Variants in ATG16L2 observed in about 807,000 individuals in gnomAD.
ATG16L2 encodes the protein autophagy related 16 like 2, also known as protein Atg16l2.
In ATG16L2, 77 loss-of-function variants were observed where a neutral mutation model predicts 84.7. That is an observed-to-expected ratio of 0.91 (90% CI 0.76 to 1.10). ATG16L2 has a LOEUF of 1.10. Among genes scored for constraint, ATG16L2 ranks in the 50% least tolerant of loss-of-function variants. The pLI, the probability that ATG16L2 is intolerant of heterozygous loss-of-function variation, is 0.00. For synonymous variants in ATG16L2, 361 were observed against 342.8 expected (o/e 1.05, Z -0.59); for missense variants, 782 against 817.6 (o/e 0.96, Z 0.53).
At chr11:72,820,767 C>T (rs1436768000) in intron 3 of ATG16L2, among the ~76,000 whole-genome samples, 3 of 152,012 alleles carry the variant, frequency 2.0e-5, no homozygotes, top group African/African-American at 7.2e-5. Context: ...CGCCTCTGGC[C>T]CTCATGTTCT....
Position 72,822,794 on chromosome 11 carries a change from C to A in ATG16L2, c.711-54C>A. On this transcript the variant is annotated intron_variant, in intron 6 of 17. Coordinates refer to ENST00000321297, the MANE Select transcript of ATG16L2 (RefSeq NM_033388.2). This position sits in a 1 kb window ranked among gnomAD's most constrained non-coding sequence, Gnocchi z 4.2. Reference sequence around the variant, plus strand: ...TCTTCAGCGTATCCTGTGCTGGGGTCGGGAGGGGCTGGCTTGGTCCCTTGG... The same window carrying A: ...TCTTCAGCGTATCCTGTGCTGGGGTAGGGAGGGGCTGGCTTGGTCCCTTGG... 2.2e-6 allele frequency: 3 copies of A among 1,347,708 alleles called. No homozygotes were observed. Among genetic ancestry groups the A allele is most frequent in the South Asian group, 2.6e-5 (2 of 76,646 alleles). The allele number at this position is 1,347,708 out of a possible 1,614,324, so 83.5% of individuals were successfully genotyped here.
intron 3 of ATG16L2, 66 bp from the exon 4 acceptor site, chr11:72,821,602 C>T (rs992699145): frequency 1.3e-6 from 2 of 1,505,932 alleles, no homozygotes; most frequent in Non-Finnish European, 1.8e-6. Context: ...TTAGCGCCTT[C>T]GGCCCCGGAG....
intron 5 of ATG16L2, among the ~76,000 whole-genome samples, chr11:72,835,898 G>A (rs1860716006): frequency 6.6e-6 from 1 of 152,152 alleles, no homozygotes; most frequent in South Asian, 2.1e-4. Flanking sequence ...ACAGGCATGA[G>A]CTACCATGCC....
chr11:72,832,828 G>A (rs1447602862), downstream of ATG16L2, among the ~76,000 whole-genome samples: 1 of 152,188 alleles, frequency 6.6e-6, no homozygotes, highest in Non-Finnish European at 1.5e-5. Context: ...AGGGCTTCTG[G>A]AGGCCTAGTT....
chr11:72,824,775 A>G lies in ATG16L2; in HGVS notation c.929A>G (p.Glu310Gly), dbSNP rs201600699. ...RRGHSIGGAPEQRYQIIPVCV... is the reference protein window; with the variant it reads ...RRGHSIGGAPGQRYQIIPVCV... Reference sequence around the variant, plus strand: ...GGTCACTCAATTGGGGGAGCCCCTGAGCAGCGATACCAGATCATCCCTGTG... The same window carrying G: ...GGTCACTCAATTGGGGGAGCCCCTGGGCAGCGATACCAGATCATCCCTGTG... The change falls in exon 9 of 18, where the codon GAG (glutamate) becomes GGG (glycine). Residue 310 changes from glutamate to glycine, a missense_variant. Physicochemically the swap from Glu to Gly is moderately conservative, Grantham distance 98. Coordinates refer to ENST00000321297, the MANE Select transcript of ATG16L2 (RefSeq NM_033388.2). 1 of 1,613,334 alleles carries G rather than the reference A, an allele frequency of 6.2e-7. No individual in the cohort carries two copies. The highest frequency in any genetic ancestry group is 1.3e-5 in the African/African-American group (1 of 74,996).
chr11:72,822,604 G>A lies in ATG16L2; in HGVS notation c.710+61G>A. ...TCTGCCTCCCGCCCCGCCTGCCTGC[G>A]GCGACCCAGGCTGCCGACTGTACTT... is the stretch of plus-strand genomic sequence containing the variant. On this transcript the variant is annotated intron_variant, in intron 6 of 17. Coordinates refer to ENST00000321297, the MANE Select transcript of ATG16L2 (RefSeq NM_033388.2). This position sits in a 1 kb window ranked among gnomAD's most constrained non-coding sequence, Gnocchi z 4.2. 6.3e-7 allele frequency: 1 copy of A among 1,584,584 alleles called. No homozygotes were observed. Among genetic ancestry groups the A allele is most frequent in the Admixed American group, 1.8e-5 (1 of 54,430 alleles).
chr11:72,836,175 A>C (rs528348540), intron 5 of ATG16L2, among the ~76,000 whole-genome samples: 47 of 152,380 alleles, frequency 3.1e-4, no homozygotes, highest in African/African-American at 1.1e-3. Context: ...GCCCTTCCCC[A>C]AACAGGCTGT....
At chr11:72,839,722 T>C (rs969343881) in intron 5 of ATG16L2, among the ~76,000 whole-genome samples, 1 of 152,114 alleles carries the variant, frequency 6.6e-6, no homozygotes, top group African/African-American at 2.4e-5. Flanking sequence ...TTGCTGAGTT[T>C]TGGGGATCTG....
downstream of ATG16L2, among the ~76,000 whole-genome samples, chr11:72,831,927 G>A (rs571092794): frequency 5.1e-4 from 77 of 152,300 alleles, no homozygotes; most frequent in African/African-American, 1.8e-3. Flanking sequence ...GCAGGGCTGC[G>A]GGGCATGCCC....
At chr11:72,823,297 A>G (rs1215464714) in intron 7 of ATG16L2, 2 of 334,648 alleles carry the variant, frequency 6.0e-6, no homozygotes, top group Non-Finnish European at 1.1e-5. Flanking sequence ...ATGTGTGCGC[A>G]GCCATAGGTG....
chr11:72,842,986 T>A, exon 6 of ATG16L2: 1 of 869,646 alleles, frequency 1.1e-6, no homozygotes, highest in Non-Finnish European at 1.8e-6. Context: ...GATGAATGAT[T>A]AACTTTAGGG....
Position 72,819,804 on chromosome 11 carries a change from C to T in ATG16L2, c.319-1864C>T, listed in dbSNP as rs929288958. On this transcript the variant is annotated intron_variant, in intron 3 of 17. Coordinates refer to ENST00000321297, the MANE Select transcript of ATG16L2 (RefSeq NM_033388.2). ...TCTGTTGCCCAGGCTGGAGTACAGT[C>T]GCGTCATCTCGGCTCGCTGCAACCT... is the stretch of plus-strand genomic sequence containing the variant. Among the ~76,000 whole-genome samples, 9 of 151,610 alleles carry T rather than the reference C, an allele frequency of 5.9e-5. No individual in the cohort carries two copies. The South Asian group carries it at 6.3e-4, about 11-fold the overall frequency.
chr11:72,816,858 G>GGCTGCCTGTGCTGGGGCCCTGCCCCT (rs1472259891), intron 2 of ATG16L2, 31 bp downstream of exon 2: 7 of 1,583,896 alleles, frequency 4.4e-6, no homozygotes, highest in Admixed American at 1.7e-5. Context: ...GGTCACAAAG[G>GGCTGCCTGTGCTGGGGCCCTGCCCCT]GCTGCCTGTG....
intron 5 of ATG16L2, chr11:72,841,680 A>C: frequency 7.8e-7 from 1 of 1,275,336 alleles, no homozygotes; most frequent in South Asian, 1.7e-5. Flanking sequence ...TTTTCTCTAA[A>C]GCTAAGCTGA....
At chr11:72,842,070 A>G (rs1860972724) in intron 5 of ATG16L2, among the ~76,000 whole-genome samples, 1 of 152,172 alleles carries the variant, frequency 6.6e-6, no homozygotes, top group South Asian at 2.1e-4. Flanking sequence ...GCCTGCAGTG[A>G]TAGATCCCTG....
At chr11:72,828,837 C>T (rs1344301037) in intron 16 of ATG16L2, 46 bp from the exon 17 acceptor site, 4 of 1,613,838 alleles carry the variant, frequency 2.5e-6, no homozygotes, top group Non-Finnish European at 3.4e-6. Context: ...TGTGTGTGCC[C>T]TCCCCTCTGA....
In ATG16L2 at chr11:72,822,262, C is replaced by T. The variant is rs1355981416; in HGVS notation, c.611C>T (p.Ala204Val). The change falls in exon 5 of 18, where the codon GCC becomes GTC. Residue 204 changes from alanine to valine, a missense_variant. Coordinates refer to ENST00000321297, the MANE Select transcript of ATG16L2 (RefSeq NM_033388.2). The surrounding 1 kb of genome is among the most constrained non-coding windows in gnomAD (Gnocchi z 4.2). ...GTGCAGCGCAAGGCGCGCGCCGCGG[C>T]CGAGCGCAACCTGCGCAACGAGCGC... ...RLVQRKARAA[A>V]ERNLRNERRE... 1.3e-6 allele frequency: 2 copies of T among 1,501,748 alleles called. No homozygotes were observed. Among genetic ancestry groups the T allele is most frequent in the Non-Finnish European group, 1.8e-6 (2 of 1,135,616 alleles). 93.0% of individuals were successfully genotyped at this position (1,501,748 alleles called of 1,614,324 possible).
chr11:72,836,622 CT>C, intron 5 of ATG16L2: 1 of 152,622 alleles, frequency 6.6e-6, no homozygotes, highest in East Asian at 1.9e-4. Flanking sequence ...GATTAATTTA[CT>C]TTCTCCTCTC....
rs1860549375 is a variant in ATG16L2 at position 72,829,376 on chromosome 11, G to A, written c.1846G>A (p.Val616Met). The A allele has an allele frequency of 1.2e-6, 2 of 1,611,598 alleles. No individual in the cohort carries two copies. Among genetic ancestry groups the A allele is most frequent in the African/African-American group, 1.3e-5 (1 of 74,874 alleles). ...MVSVDQGRKV[V>M]LWQ is the part of the protein sequence containing the mutation. ...GAGCGTGGACCAGGGCAGGAAGGTT[G>A]TGCTCTGGCAGTAGGGCCACGACCT... is the stretch of plus-strand genomic sequence containing the variant. The change falls in exon 18 of 18, where the codon GTG (valine) becomes ATG (methionine). Residue 616 changes from valine (V) to methionine (M), a missense_variant. Transcript: ENST00000321297.
Sources: allele counts gnomAD v4.1 joint callset (sites outside exome capture counted in the v4.1 genomes callset), GRCh38; gene constraint gnomAD v4.1.1; non-coding constraint Gnocchi (gnomAD v3.1); transcripts MANE v1.5; gene names NCBI Gene and HGNC (gene_info 2026-07-23, HGNC 2026-07-21).